The following FAM107B variants were observed in gnomAD, a reference collection of about 807,000 sequenced individuals.
FAM107B encodes the protein family with sequence similarity 107 member B.
In FAM107B, 21 loss-of-function variants were observed where a neutral mutation model predicts 31.5. The observed-to-expected ratio is 0.67, with a 90% CI of 0.47 to 0.96. The LOEUF (loss-of-function observed/expected upper bound fraction) is 0.96, where lower values mean the gene tolerates loss of function less well. Ranked by LOEUF, FAM107B falls within the 40% of genes least tolerant of loss-of-function variation. FAM107B has a pLI of 0.00. For missense variants in FAM107B, 452 were observed against 377.1 expected (o/e 1.20, Z -1.64); for synonymous variants, 157 against 141.5 (o/e 1.11, Z -0.78).
chr10:14,602,649 C>T (rs1421114818), intron 2 of FAM107B: 1 of 152,170 alleles, frequency 6.6e-6, no homozygotes. Flanking sequence ...TTATGAATCT[C>T]AGAACACAAT....
intron 2 of FAM107B, among the ~76,000 whole-genome samples, chr10:14,646,623 G>A (rs1216397523): frequency 6.6e-6 from 1 of 152,124 alleles, no homozygotes; most frequent in Non-Finnish European, 1.5e-5. Context: ...GAATTGTGCT[G>A]CAATACACAT....
intron 1 of FAM107B, among the ~76,000 whole-genome samples, chr10:14,752,603 G>C (rs1286721135): frequency 1.3e-5 from 2 of 152,190 alleles, no homozygotes; most frequent in East Asian, 3.8e-4. Flanking sequence ...GTGTGGGAAA[G>C]AATCTGTTGG....
intron 1 of FAM107B, among the ~76,000 whole-genome samples, chr10:14,720,732 GA>G (rs1445209104): frequency 1.3e-5 from 2 of 152,124 alleles, no homozygotes; most frequent in African/African-American, 4.8e-5. Context: ...GCAAACATTT[GA>G]AGAACCAAAG....
chr10:14,624,508 C>T (rs995783625), intron 2 of FAM107B, among the ~76,000 whole-genome samples: 10 of 151,982 alleles, frequency 6.6e-5, no homozygotes, highest in Non-Finnish European at 1.2e-4. Context: ...TGGTGGTGTG[C>T]GCCTGTAATC....
intron 1 of FAM107B, among the ~76,000 whole-genome samples, chr10:14,755,714 A>T (rs564310989): frequency 1.3e-5 from 2 of 152,282 alleles, no homozygotes; most frequent in African/African-American, 4.8e-5. Context: ...AAAATCCATA[A>T]TCACAAGGTG....
chr10:14,526,108 G>A (rs1310930040), intron 3 of FAM107B, among the ~76,000 whole-genome samples: 1 of 152,230 alleles, frequency 6.6e-6, no homozygotes, highest in Non-Finnish European at 1.5e-5. Context: ...TACTCACTTA[G>A]TCAAACATCT....
At chr10:14,548,415 G>C (rs111280234) in intron 2 of FAM107B, 12 of 985,626 alleles carry the variant, frequency 1.2e-5, no homozygotes, top group African/African-American at 7.0e-5. Flanking sequence ...GTCTGTGAGG[G>C]TGCGTGGGGC....
chr10:14,715,266 C>G (rs1855755231), intron 1 of FAM107B, among the ~76,000 whole-genome samples: 1 of 151,908 alleles, frequency 6.6e-6, no homozygotes, highest in Non-Finnish European at 1.5e-5. Context: ...AAAAAGAAAT[C>G]AGAGCTCAAG....
chr10:14,724,608 G>A (rs1275950783), intron 1 of FAM107B, among the ~76,000 whole-genome samples: 3 of 152,100 alleles, frequency 2.0e-5, no homozygotes, highest in South Asian at 2.1e-4. Flanking sequence ...GCAATTGTCT[G>A]GAGCAGGTGG....
At chr10:14,565,040 C>T (rs1398115905) in intron 2 of FAM107B, among the ~76,000 whole-genome samples, 1 of 152,110 alleles carries the variant, frequency 6.6e-6, no homozygotes, top group Admixed American at 6.5e-5. Context: ...GGCAAAATAG[C>T]GAGACCCTGT....
intron 1 of FAM107B, among the ~76,000 whole-genome samples, chr10:14,683,977 A>G (rs983972585): frequency 6.6e-6 from 1 of 152,226 alleles, no homozygotes; most frequent in Admixed American, 6.5e-5. Context: ...ATGAAATACT[A>G]TAGACTACCT....
chr10:14,767,081 G>T (rs1433051650), intron 1 of FAM107B, among the ~76,000 whole-genome samples: 4 of 102,630 alleles, frequency 3.9e-5, no homozygotes. Context: ...GAGAGAGAGA[G>T]AGAGAGAGAG....
intron 2 of FAM107B, among the ~76,000 whole-genome samples, chr10:14,543,300 T>C (rs907517864): frequency 2.0e-5 from 3 of 152,184 alleles, no homozygotes; most frequent in African/African-American, 7.2e-5. Context: ...AAAAACACTT[T>C]TTTGAATTGC....
chr10:14,728,794 G>A (rs1422701097), intron 1 of FAM107B, among the ~76,000 whole-genome samples: 4 of 152,194 alleles, frequency 2.6e-5, no homozygotes, highest in African/African-American at 9.7e-5. Flanking sequence ...CTTATGAGAT[G>A]AAGAGTATGT....
intron 1 of FAM107B, among the ~76,000 whole-genome samples, chr10:14,720,132 T>G (rs1204100422): frequency 1.3e-5 from 2 of 152,228 alleles, no homozygotes; most frequent in Non-Finnish European, 2.9e-5. Context: ...ATGAAAGAGC[T>G]AGACTAGATG....
chr10:14,524,481 T>C (rs1410794467), intron 3 of FAM107B, among the ~76,000 whole-genome samples: 2 of 152,214 alleles, frequency 1.3e-5, no homozygotes, highest in East Asian at 1.9e-4. Context: ...CAGGTGACTT[T>C]TGTGATTTAA....
chr10:14,649,890 A>G (rs10796216), intron 2 of FAM107B, among the ~76,000 whole-genome samples: 76,949 of 152,024 alleles, frequency 0.51, 19,886 homozygotes, highest in East Asian at 0.59. Flanking sequence ...TACACATAAT[A>G]AGGGCCAGTG....
chr10:14,523,044 G>A (rs1326117642), intron 3 of FAM107B, among the ~76,000 whole-genome samples: 2 of 152,160 alleles, frequency 1.3e-5, no homozygotes, highest in African/African-American at 4.8e-5. Flanking sequence ...AAGCCAAACA[G>A]GCCATGAACT....
chr10:14,522,070 T>C (rs1845707289), intron 3 of FAM107B, 51 bp from the exon 4 acceptor site: 1 of 1,570,480 alleles, frequency 6.4e-7, no homozygotes, highest in Non-Finnish European at 8.6e-7. Context: ...ATGGCTACAT[T>C]TTTTATGAAC....
Sources: allele counts gnomAD v4.1 joint callset (sites outside exome capture counted in the v4.1 genomes callset), GRCh38; gene constraint gnomAD v4.1.1; transcripts MANE v1.5; gene names NCBI Gene and HGNC (gene_info 2026-07-23, HGNC 2026-07-21).